KCNH7: variants seen among roughly 807,000 people sequenced by gnomAD.
KCNH7 encodes the protein voltage-gated inwardly rectifying potassium channel KCNH7.
Under a neutral mutation model 120.8 loss-of-function variants are expected in KCNH7, and 49 were observed. The observed-to-expected ratio is 0.41, with a 90% confidence interval of 0.32 to 0.51. KCNH7 has a LOEUF of 0.51. Ranked by LOEUF, KCNH7 falls within the 20% of genes least tolerant of loss-of-function variation. The probability of loss-of-function intolerance (pLI) is 0.38; values close to 1 mark genes in which losing one functional copy is unlikely to be tolerated. For synonymous variants in KCNH7, 547 were observed against 516.1 expected (o/e 1.06, Z -0.81); for missense variants, 1,097 against 1,446.6 (o/e 0.76, Z 3.92).
chr2:162,472,863 G>T (rs902371832), intron 6 of KCNH7, among the ~76,000 whole-genome samples: 1 of 152,158 alleles, frequency 6.6e-6, no homozygotes, highest in Non-Finnish European at 1.5e-5. Flanking sequence ...TGATAGACTG[G>T]ATTAAGAAAA....
At chr2:162,507,545 A>G (rs1333057213) in intron 5 of KCNH7, among the ~76,000 whole-genome samples, 1 of 151,558 alleles carries the variant, frequency 6.6e-6, no homozygotes, top group African/African-American at 2.4e-5. Flanking sequence ...TTCATTTTCC[A>G]TTCCATCTTC....
At chr2:162,822,475 T>C (rs1006702268) in intron 2 of KCNH7, among the ~76,000 whole-genome samples, 2 of 152,152 alleles carry the variant, frequency 1.3e-5, no homozygotes, top group African/African-American at 2.4e-5. Flanking sequence ...ACACAATGTG[T>C]ATGTTCCAGA....
intron 5 of KCNH7, among the ~76,000 whole-genome samples, chr2:162,505,788 G>C (rs1450155374): frequency 6.6e-6 from 1 of 151,810 alleles, no homozygotes; most frequent in Non-Finnish European, 1.5e-5. Flanking sequence ...AGTTGCCTTT[G>C]TTATTTTTTT....
intron 2 of KCNH7, among the ~76,000 whole-genome samples, chr2:162,748,917 TTCCCTTTCCTTTCC>T (rs1300132388): frequency 1.7e-5 from 1 of 60,306 alleles, no homozygotes; most frequent in Admixed American, 1.5e-4. Context: ...CTTCCTTCCC[TTCCCTTTCCTTTCC>T]TTCCTTCCTT....
intron 2 of KCNH7, among the ~76,000 whole-genome samples, chr2:162,728,441 C>G (rs543462008): frequency 6.6e-6 from 1 of 152,192 alleles, no homozygotes; most frequent in Non-Finnish European, 1.5e-5. Context: ...GGTGTCTTGT[C>G]TTTTTATTTT....
At chr2:162,709,554 A>C (rs1256240097) in intron 2 of KCNH7, among the ~76,000 whole-genome samples, 1 of 152,132 alleles carries the variant, frequency 6.6e-6, no homozygotes, top group Non-Finnish European at 1.5e-5. Flanking sequence ...TTTCTTATCT[A>C]TGTAGAATAA....
In KCNH7 at chr2:162,660,938, C is replaced by T. The variant is rs539167677; in HGVS notation, c.308-123858G>A. Among the ~76,000 whole-genome samples the T allele has an allele frequency of 1.7e-3, 256 of 152,274 alleles. 1 individual carries two copies. The highest frequency in any genetic ancestry group is 2.8e-3 in the Non-Finnish European group (188 of 68,020). ...CCCCAGTATTGTCTCCTCTATACCA[C>T]GCTTCCCAGTGATTGTTAACAACAA... On this transcript the variant is annotated intron_variant, in intron 2 of 15. Coordinates refer to ENST00000332142, the MANE Select transcript of KCNH7 (RefSeq NM_033272.4).
At chr2:162,431,130 G>T (rs1688051722) in intron 8 of KCNH7, among the ~76,000 whole-genome samples, 1 of 151,858 alleles carries the variant, frequency 6.6e-6, no homozygotes, top group South Asian at 2.1e-4. Flanking sequence ...TTTACTATTT[G>T]CATTTAATGT....
At chr2:162,561,294 G>A (rs1393550377) in intron 2 of KCNH7, among the ~76,000 whole-genome samples, 4 of 151,882 alleles carry the variant, frequency 2.6e-5, no homozygotes, top group South Asian at 2.1e-4. Context: ...TGAAGCAGTC[G>A]TAGTTGCTGT....
chr2:162,465,807 T>C (rs184645461), intron 6 of KCNH7, among the ~76,000 whole-genome samples: 4 of 152,272 alleles, frequency 2.6e-5, no homozygotes, highest in Admixed American at 1.3e-4. Flanking sequence ...TTTTATTTTT[T>C]CTCTATGAAT....
chr2:162,742,097 A>G (rs1688157628), intron 2 of KCNH7, among the ~76,000 whole-genome samples: 1 of 152,200 alleles, frequency 6.6e-6, no homozygotes, highest in South Asian at 2.1e-4. Context: ...TCTGCACCTG[A>G]AGACCACATC....
chr2:162,377,216 C>T (rs750644138), intron 14 of KCNH7, among the ~76,000 whole-genome samples: 8 of 150,950 alleles, frequency 5.3e-5, no homozygotes, highest in Middle Eastern at 3.4e-3. Flanking sequence ...TGTTAAAAAC[C>T]GCAGTGGAGT....
intron 2 of KCNH7, among the ~76,000 whole-genome samples, chr2:162,800,496 A>C (rs1684303414): frequency 6.6e-6 from 1 of 151,848 alleles, no homozygotes; most frequent in South Asian, 2.1e-4. Flanking sequence ...TTTGATTAAA[A>C]CAGTAACGTC....
intron 2 of KCNH7, among the ~76,000 whole-genome samples, chr2:162,619,682 C>A (rs1177827811): frequency 6.6e-6 from 1 of 151,974 alleles, no homozygotes; most frequent in African/African-American, 2.4e-5. Context: ...ATTATCTGTT[C>A]TCTTAAGTGT....
chr2:162,767,377 A>C (rs1417087166), intron 2 of KCNH7, among the ~76,000 whole-genome samples: 1 of 152,100 alleles, frequency 6.6e-6, no homozygotes, highest in African/African-American at 2.4e-5. Context: ...CAAACAATAA[A>C]TGAAAGCTTG....
chr2:162,709,903 A>T (rs1354618468), intron 2 of KCNH7, among the ~76,000 whole-genome samples: 1 of 152,150 alleles, frequency 6.6e-6, no homozygotes, highest in Non-Finnish European at 1.5e-5. Context: ...AAAATTGTAT[A>T]TTGTCACTGA....
At chr2:162,719,125 T>C (rs796383408) in intron 2 of KCNH7, among the ~76,000 whole-genome samples, 3 of 152,198 alleles carry the variant, frequency 2.0e-5, no homozygotes, top group African/African-American at 4.8e-5. Flanking sequence ...CCTTAGTTCC[T>C]GGTAGTGACA....
chr2:162,664,699 T>C (rs1410112992), intron 2 of KCNH7, among the ~76,000 whole-genome samples: 1 of 152,178 alleles, frequency 6.6e-6, no homozygotes, highest in Non-Finnish European at 1.5e-5. Flanking sequence ...ATGCAATATA[T>C]GATGTCCTTT....
intron 6 of KCNH7, among the ~76,000 whole-genome samples, chr2:162,483,991 G>A (rs1690011438): frequency 6.6e-6 from 1 of 152,148 alleles, no homozygotes; most frequent in Non-Finnish European, 1.5e-5. Context: ...AGTGGAAAGA[G>A]CACTGGAGTC....
Sources: gnomAD v4.1 joint callset for allele counts (sites outside exome capture counted in the v4.1 genomes callset) on GRCh38, gnomAD v4.1.1 for gene constraint, MANE v1.5 for transcripts, NCBI Gene and HGNC (gene_info 2026-07-23, HGNC 2026-07-21) for gene names.